ATF7IP: variants seen among roughly 807,000 people sequenced by gnomAD.
ATF7IP encodes activating transcription factor 7 interacting protein.
ATF7IP carries 23 observed loss-of-function variants against 106.4 expected under a neutral mutation model. The observed-to-expected ratio is 0.22, with a 90% CI of 0.16 to 0.31. The LOEUF (loss-of-function observed/expected upper bound fraction) is 0.31, where lower values mean the gene tolerates loss of function less well. Among genes scored for constraint, ATF7IP ranks in the 10% least tolerant of loss-of-function variants. The pLI is 1.00. For missense variants in ATF7IP, 1,334 were observed against 1,524.3 expected, an observed-to-expected ratio of 0.88 and a Z score of 2.08; for synonymous variants, 542 against 539.0, an observed-to-expected ratio of 1.01 and a Z score of -0.08.
chr12:14,494,700 A>T (rs1003157168), intron 13 of ATF7IP, among the ~76,000 whole-genome samples: 54 of 151,526 alleles, frequency 3.6e-4, no homozygotes, highest in African/African-American at 1.3e-3. Context: ...TGGGAGGCCA[A>T]GGCAGGCAGA....
chr12:14,426,985 A>T (rs1941887743), intron 2 of ATF7IP, among the ~76,000 whole-genome samples: 1 of 152,170 alleles, frequency 6.6e-6, no homozygotes, highest in South Asian at 2.1e-4. Flanking sequence ...TAGGCCATTA[A>T]ATACAAGACT....
chr12:14,366,391 G>T (rs556402953), intron 1 of ATF7IP, among the ~76,000 whole-genome samples: 58 of 152,244 alleles, frequency 3.8e-4, no homozygotes, highest in African/African-American at 1.4e-3. Flanking sequence ...CTGCATATTT[G>T]CAAATACATT....
intron 2 of ATF7IP, among the ~76,000 whole-genome samples, chr12:14,432,295 A>G (rs991497157): frequency 1.2e-4 from 18 of 152,212 alleles, no homozygotes; most frequent in African/African-American, 4.3e-4. Flanking sequence ...GTCTCTCTGG[A>G]AACTCTGGGG....
intron 10 of ATF7IP, 93 bp downstream of exon 10, chr12:14,466,683 C>G: frequency 9.9e-7 from 1 of 1,007,150 alleles, no homozygotes; most frequent in South Asian, 1.5e-5. Context: ...GAAAATTGTT[C>G]TATGTGTGTT....
At chr12:14,433,855 A>T (rs1254833300) in intron 2 of ATF7IP, among the ~76,000 whole-genome samples, 1 of 152,146 alleles carries the variant, frequency 6.6e-6, no homozygotes, top group East Asian at 1.9e-4. Flanking sequence ...TATATTTGGG[A>T]TAGCCTTTCC....
intron 13 of ATF7IP, among the ~76,000 whole-genome samples, chr12:14,484,867 G>A (rs1195472822): frequency 6.6e-6 from 1 of 152,068 alleles, no homozygotes; most frequent in African/African-American, 2.4e-5. Flanking sequence ...ATGGCTAAAT[G>A]GGTCAGAAAG....
chr12:14,471,490 T>C (rs1446489660), intron 10 of ATF7IP, among the ~76,000 whole-genome samples: 1 of 152,236 alleles, frequency 6.6e-6, no homozygotes, highest in East Asian at 1.9e-4. Flanking sequence ...TTTATCATTA[T>C]AAAGTTTCCC....
rs1456684913 is a variant in ATF7IP, at chr12:14,501,307, T to C, written c.*3234T>C. The C allele has an allele frequency of 6.6e-6, 1 of 152,188 alleles. No homozygotes were observed. The highest frequency in any genetic ancestry group is 1.5e-5 in the Non-Finnish European group (1 of 68,026). 9.4% of individuals were successfully genotyped at this position (152,188 alleles called of 1,614,324 possible). A position where few individuals can be genotyped will look rare whatever the true frequency, so the allele number is the denominator to read the frequency against. On this transcript the variant is annotated 3_prime_UTR_variant, in exon 15 of 15. Transcript: ENST00000261168. ...CAATATTTGTGTAGGTATTGCCTTA[T>C]TGGAAATTCTGGAAACCTGATACTG... is the stretch of plus-strand genomic sequence containing the variant.
intron 2 of ATF7IP, among the ~76,000 whole-genome samples, chr12:14,428,200 G>A (rs781742768): frequency 9.2e-5 from 14 of 152,120 alleles, no homozygotes; most frequent in Admixed American, 5.2e-4. Flanking sequence ...GATTTAATGA[G>A]TACCTTTATG....
chr12:14,488,579 CACAG>C (rs1297943731), intron 13 of ATF7IP, among the ~76,000 whole-genome samples: 1 of 152,158 alleles, frequency 6.6e-6, no homozygotes, highest in Non-Finnish European at 1.5e-5. Context: ...GCAACACCCT[CACAG>C]ACACACGCAG....
chr12:14,370,290 G>T (rs1028148866), intron 1 of ATF7IP, among the ~76,000 whole-genome samples: 2 of 152,136 alleles, frequency 1.3e-5, no homozygotes, highest in Non-Finnish European at 2.9e-5. Flanking sequence ...CTTCTCAAAA[G>T]AATATATGAT....
chr12:14,454,276 A>G (rs1288081356), intron 6 of ATF7IP, among the ~76,000 whole-genome samples: 1 of 152,046 alleles, frequency 6.6e-6, no homozygotes, highest in Non-Finnish European at 1.5e-5. Flanking sequence ...TCTTTGCTAT[A>G]GCAGCCTCTG....
chr12:14,384,741 G>A (rs914965886), intron 1 of ATF7IP, among the ~76,000 whole-genome samples: 1 of 151,978 alleles, frequency 6.6e-6, no homozygotes, highest in Non-Finnish European at 1.5e-5. Flanking sequence ...GGGGCTTTTA[G>A]ATTCTGTGGA....
At chr12:14,475,292 C>T (rs1944218991) in intron 10 of ATF7IP, among the ~76,000 whole-genome samples, 1 of 152,160 alleles carries the variant, frequency 6.6e-6, no homozygotes, top group Non-Finnish European at 1.5e-5. Flanking sequence ...ACTTCAGAGT[C>T]CTGGCTCTTT....
rs1460828096 is a variant in ATF7IP at position 14,424,211 on chromosome 12, T to TA, written c.302dup (p.Asn101LysfsTer5). 1 of 1,614,174 alleles carries TA rather than the reference T, an allele frequency of 6.2e-7. No homozygotes were observed. Among genetic ancestry groups the TA allele is most frequent in the Non-Finnish European group, 8.5e-7 (1 of 1,180,028 alleles). On this transcript the variant is annotated frameshift_variant, in exon 2 of 15. Transcript: ENST00000261168. LOFTEE classifies it high-confidence loss of function. The stretch of plus-strand genomic sequence containing the variant: ...ACACCCTGTATCCTAAGTGTTAATG[T>TA]AAAAAACAAGCAGGATGATGATTTA...
chr12:14,394,628 A>C (rs1384865467), intron 1 of ATF7IP, among the ~76,000 whole-genome samples: 1 of 152,200 alleles, frequency 6.6e-6, no homozygotes, highest in Non-Finnish European at 1.5e-5. Context: ...GTGCTAGGGT[A>C]GCAAATAAAA....
intron 10 of ATF7IP, among the ~76,000 whole-genome samples, chr12:14,475,235 C>A (rs1034731999): frequency 1.3e-5 from 2 of 152,174 alleles, no homozygotes; most frequent in African/African-American, 4.8e-5. Flanking sequence ...GAGATAATTA[C>A]CCATCTGAAT....
chr12:14,408,141 C>CACACACACAA (rs550112357), intron 1 of ATF7IP, among the ~76,000 whole-genome samples: 52 of 151,300 alleles, frequency 3.4e-4, no homozygotes, highest in African/African-American at 1.2e-3. Context: ...CACACACACA[C>CACACACACAA]AAATATATAT....
At position 14,424,389 on chromosome 12, in the gene ATF7IP, TCCCACCTCTAGCGAG is replaced by T; in HGVS notation, c.478_492del (p.Thr160_Pro164del). On this transcript the variant is annotated inframe_deletion, in exon 2 of 15. Coordinates refer to ENST00000261168, the MANE Select transcript of ATF7IP (RefSeq NM_018179.5). ...CCTCTGGTGATTCCACCTCTGGTGA[TCCCACCTCTAGCGAG>T]CCCTCCTCTAGTGATGCTGCCTCTG... is the stretch of plus-strand genomic sequence containing the variant. 1 of 1,613,292 alleles carries T rather than the reference TCCCACCTCTAGCGAG, an allele frequency of 6.2e-7. No homozygotes were observed. Among genetic ancestry groups the T allele is most frequent in the Non-Finnish European group, 8.5e-7 (1 of 1,179,676 alleles).
Sources: allele counts gnomAD v4.1 joint callset (sites outside exome capture counted in the v4.1 genomes callset), GRCh38; gene constraint gnomAD v4.1.1; transcripts MANE v1.5; gene names NCBI Gene and HGNC (gene_info 2026-07-23, HGNC 2026-07-21).